The following PARD3 variants were observed in gnomAD, a reference collection of about 807,000 sequenced individuals.
The protein encoded by PARD3 is partitioning defective 3 homolog.
Under a neutral mutation model 155.4 loss-of-function variants are expected in PARD3, and 75 were observed. The ratio of observed to expected loss-of-function variants is 0.48; its 90% CI spans 0.40 to 0.58. The LOEUF (loss-of-function observed/expected upper bound fraction) is 0.58. Ranked by LOEUF, PARD3 falls within the 20% of genes least tolerant of loss-of-function variation. The pLI, the probability that PARD3 is intolerant of heterozygous loss-of-function variation, is 0.00. For missense variants in PARD3, 1,642 were observed against 1,721.7 expected, an observed-to-expected ratio of 0.95 and a Z score of 0.82; for synonymous variants, 576 against 610.5, an observed-to-expected ratio of 0.94 and a Z score of 0.83.
intron 3 of PARD3, among the ~76,000 whole-genome samples, chr10:34,496,355 AG>A (rs1185790098): frequency 6.6e-6 from 1 of 152,216 alleles, no homozygotes; most frequent in Non-Finnish European, 1.5e-5. Context: ...TTCTGTTTAT[AG>A]AAATATTCCC....
intron 1 of PARD3, among the ~76,000 whole-genome samples, chr10:34,790,994 A>C (rs1330653948): frequency 6.6e-6 from 1 of 152,120 alleles, no homozygotes; most frequent in African/African-American, 2.4e-5. Flanking sequence ...ACACACACTT[A>C]CTGATCATTT....
At chr10:34,225,020 A>G (rs934060820) in intron 22 of PARD3, among the ~76,000 whole-genome samples, 12 of 152,218 alleles carry the variant, frequency 7.9e-5, no homozygotes, top group Admixed American at 7.2e-4. Context: ...AGACAGAAAA[A>G]AAAGAGACCA....
chr10:34,333,335 T>C (rs1176661349), intron 18 of PARD3, among the ~76,000 whole-genome samples: 1 of 152,092 alleles, frequency 6.6e-6, no homozygotes, highest in Non-Finnish European at 1.5e-5. Context: ...TTCATTGAAA[T>C]TGAGTGTCCC....
At chr10:34,536,927 C>A (rs372022881) in intron 2 of PARD3, among the ~76,000 whole-genome samples, 3 of 152,066 alleles carry the variant, frequency 2.0e-5, no homozygotes, top group Admixed American at 1.3e-4. Flanking sequence ...GGTAACTGAG[C>A]GAAAGAAAAA....
At chr10:34,138,784 A>G (rs1423720502) in intron 22 of PARD3, among the ~76,000 whole-genome samples, 4 of 152,116 alleles carry the variant, frequency 2.6e-5, no homozygotes, top group African/African-American at 9.7e-5. Context: ...CTAGCAATTT[A>G]CTTTTTGGCC....
chr10:34,422,454 C>T (rs1015752764), intron 5 of PARD3, among the ~76,000 whole-genome samples: 9 of 151,656 alleles, frequency 5.9e-5, no homozygotes, highest in African/African-American at 1.5e-4. Context: ...AAAAAGCTTC[C>T]GCATAGCCAA....
intron 2 of PARD3, among the ~76,000 whole-genome samples, chr10:34,553,154 G>C (rs1441654584): frequency 6.6e-6 from 1 of 152,154 alleles, no homozygotes; most frequent in Non-Finnish European, 1.5e-5. Context: ...CTGGGAAATA[G>C]TCTCCTCCAT....
chr10:34,319,270 G>A (rs1958226764), intron 19 of PARD3, among the ~76,000 whole-genome samples: 2 of 150,124 alleles, frequency 1.3e-5, no homozygotes, highest in South Asian at 2.1e-4. Flanking sequence ...TGTATTTTTA[G>A]TAGAGATAGG....
intron 2 of PARD3, among the ~76,000 whole-genome samples, chr10:34,534,539 A>C (rs1044999526): frequency 6.6e-6 from 1 of 152,174 alleles, no homozygotes; most frequent in Non-Finnish European, 1.5e-5. Flanking sequence ...ATAAATGAAG[A>C]GGGCTACAAT....
intron 22 of PARD3, among the ~76,000 whole-genome samples, chr10:34,163,667 G>T (rs1949388686): frequency 6.6e-6 from 1 of 152,206 alleles, no homozygotes; most frequent in Admixed American, 6.5e-5. Flanking sequence ...TACTGCAAAA[G>T]TGGTCACAGG....
At chr10:34,490,183 CTA>C (rs2079799355) in intron 3 of PARD3, among the ~76,000 whole-genome samples, 1 of 152,178 alleles carries the variant, frequency 6.6e-6, no homozygotes, top group African/African-American at 2.4e-5. Flanking sequence ...AGAAAAGACA[CTA>C]TTCATTAGAC....
rs972041545 is a variant in PARD3 at position 34,620,924 on chromosome 10, C to T, written c.222+75394G>A. ...TGCTACATGTGTTCTTTCATTATTA[C>T]ACAAGTGAAGCATCTACAACTTCCC... On this transcript the variant is annotated intron_variant, in intron 2 of 24. Coordinates refer to ENST00000374788, the MANE Select transcript of PARD3 (RefSeq NM_001184785.2). Among the ~76,000 whole-genome samples the T allele has an allele frequency of 2.6e-5, 4 of 152,350 alleles. No homozygotes were observed. In the East Asian group the frequency reaches 5.8e-4, roughly 22 times the overall value.
chr10:34,423,037 T>C (rs1037246041), intron 5 of PARD3, among the ~76,000 whole-genome samples: 1 of 152,144 alleles, frequency 6.6e-6, no homozygotes, highest in South Asian at 2.1e-4. Flanking sequence ...ACCTATCTTG[T>C]TGTTTATCAA....
At chr10:34,334,492 T>C (rs772431058) in intron 18 of PARD3, among the ~76,000 whole-genome samples, 7 of 151,928 alleles carry the variant, frequency 4.6e-5, no homozygotes, top group Non-Finnish European at 1.0e-4. Context: ...CAAAAACCTT[T>C]GGACTAATCT....
At chr10:34,244,666 A>T (rs1953826885) in intron 22 of PARD3, among the ~76,000 whole-genome samples, 1 of 152,126 alleles carries the variant, frequency 6.6e-6, no homozygotes, top group Non-Finnish European at 1.5e-5. Flanking sequence ...TGTTACTAAA[A>T]ATCTTATACA....
At chr10:34,266,734 G>A (rs573453298) in intron 22 of PARD3, among the ~76,000 whole-genome samples, 12 of 152,266 alleles carry the variant, frequency 7.9e-5, no homozygotes, top group African/African-American at 2.9e-4. Flanking sequence ...TTCTCTGAGT[G>A]CATTTTGGCA....
At chr10:34,539,677 T>G (rs1415671672) in intron 2 of PARD3, among the ~76,000 whole-genome samples, 1 of 152,136 alleles carries the variant, frequency 6.6e-6, no homozygotes, top group Non-Finnish European at 1.5e-5. Context: ...AAAGTAAAAC[T>G]TCCTATCATC....
chr10:34,165,589 ACC>A (rs982345188), intron 22 of PARD3, among the ~76,000 whole-genome samples: 1 of 152,092 alleles, frequency 6.6e-6, no homozygotes, highest in Non-Finnish European at 1.5e-5. Flanking sequence ...CCTTCTCAAC[ACC>A]CAACAATTTG....
At chr10:34,158,726 T>C (rs1949131615) in intron 22 of PARD3, among the ~76,000 whole-genome samples, 1 of 152,216 alleles carries the variant, frequency 6.6e-6, no homozygotes. Flanking sequence ...GTTACTGTGG[T>C]TACCACTAGC....
Sources: allele counts gnomAD v4.1 joint callset (sites outside exome capture counted in the v4.1 genomes callset), GRCh38; gene constraint gnomAD v4.1.1; transcripts MANE v1.5; gene names NCBI Gene and HGNC (gene_info 2026-07-23, HGNC 2026-07-21).